Variants in ABTB1 observed in about 807,000 individuals in gnomAD.
The protein encoded by ABTB1 is ankyrin repeat and BTB domain containing 1.
A neutral mutation model predicts 57.1 loss-of-function variants in ABTB1; 45 were observed. The observed-to-expected ratio is 0.79, with a 90% confidence interval of 0.62 to 1.01. The LOEUF is 1.01. ABTB1 is among the 50% of genes least tolerant of loss of function. ABTB1 has a pLI of 0.00. For synonymous variants in ABTB1, 302 were observed against 275.4 expected, an observed-to-expected ratio of 1.10 and a Z score of -0.95; for missense variants, 630 against 666.3, an observed-to-expected ratio of 0.95 and a Z score of 0.60.
intron 10 of ABTB1, chr3:127,679,290 G>A (rs990474493): frequency 2.9e-6 from 1 of 340,264 alleles, no homozygotes; most frequent in African/African-American, 2.2e-5. Context: ...TTGTGCAGAT[G>A]CATGGGTTAC....
chr3:127,676,806 G>A lies in ABTB1; in HGVS notation c.527-161G>A, dbSNP rs1039001098. On this transcript the variant is annotated intron_variant, in intron 6 of 11. Coordinates refer to ENST00000232744, the MANE Select transcript of ABTB1 (RefSeq NM_172027.3). This position sits in a 1 kb window ranked among gnomAD's most constrained non-coding sequence, Gnocchi z 5.4. ...CTGAGGCCCTCCCATCTGTTCCCTGGGGCCTGTAGAACAGCTTTTGATGGG... is the reference window on the plus strand; with the variant it reads ...CTGAGGCCCTCCCATCTGTTCCCTGAGGCCTGTAGAACAGCTTTTGATGGG... 1.2e-6 allele frequency: 1 copy of A among 849,964 alleles called. No individual in the cohort carries two copies. Among genetic ancestry groups the A allele is most frequent in the African/African-American group, 1.7e-5 (1 of 58,828 alleles). 52.7% of individuals were successfully genotyped at this position (849,964 alleles called of 1,614,324 possible).
intron 1 of ABTB1, chr3:127,673,423 G>A: frequency 5.1e-6 from 1 of 196,412 alleles, no homozygotes; most frequent in East Asian, 1.2e-4. Context: ...GCAGGGCGCG[G>A]GTATAGGCCT....
At position 127,680,546 on chromosome 3, in the gene ABTB1, G is replaced by C; in HGVS notation, c.*71G>C. 1 of 1,557,270 alleles carries C rather than the reference G, an allele frequency of 6.4e-7. No homozygotes were observed. Among genetic ancestry groups the C allele is most frequent in the Non-Finnish European group, 8.7e-7 (1 of 1,143,532 alleles). On this transcript the variant is annotated 3_prime_UTR_variant, in exon 12 of 12. Coordinates refer to ENST00000232744, the MANE Select transcript of ABTB1 (RefSeq NM_172027.3). ...AAGCATGTGTATGCGTTTGTGTGCAGCTCTTCTTCCTGCTCCCTGCACATT... is the reference window on the plus strand; with the variant it reads ...AAGCATGTGTATGCGTTTGTGTGCACCTCTTCTTCCTGCTCCCTGCACATT...
chr3:127,672,973 G>A lies in ABTB1; in HGVS notation c.-53G>A. On this transcript the variant is annotated 5_prime_UTR_variant, in exon 1 of 12. The change creates a new upstream start codon in the 5' untranslated region. Coordinates refer to ENST00000232744, the MANE Select transcript of ABTB1 (RefSeq NM_172027.3). ...GGCTGAGCGTGTTTACATCCGCCGG[G>A]TGCGCGGCTTCGCCGCCCGAGGTCG... 6.6e-7 allele frequency: 1 copy of A among 1,515,318 alleles called. No individual in the cohort carries two copies. The allele number at this position is 1,515,318 out of a possible 1,614,324, so 93.9% of individuals were successfully genotyped here.
chr3:127,680,460 C>A lies in ABTB1; in HGVS notation c.1422C>A (p.Ile474=), dbSNP rs138384733. 1 of 1,601,584 alleles carries A rather than the reference C, an allele frequency of 6.2e-7. No homozygotes were observed. The highest frequency in any genetic ancestry group is 8.5e-7 in the Non-Finnish European group (1 of 1,176,934). ...CACTCGAGGACCTGCTCGTGTCCAT[C>A]GGTCTGGACTGTTGAGCCCCTGGCT... ...LRALEDLLVS[I]GLDC The change falls in exon 12 of 12, where the codon ATC becomes ATA. Residue 474 remains isoleucine (I), a synonymous_variant. Transcript: ENST00000232744.
At position 127,676,542 on chromosome 3, in the gene ABTB1, C is replaced by G. The variant is rs1437971651; in HGVS notation, c.487C>G (p.Pro163Ala). The G allele has an allele frequency of 6.2e-6, 10 of 1,613,976 alleles. No individual in the cohort carries two copies. The Admixed American group carries it at 1.5e-4, about 24-fold the overall frequency. Residue 163 changes from proline (P) to alanine (A), a missense_variant, in exon 6 of 12, where the codon CCC (proline) becomes GCC (alanine). Coordinates refer to ENST00000232744, the MANE Select transcript of ABTB1 (RefSeq NM_172027.3). This position sits in a 1 kb window ranked among gnomAD's most constrained non-coding sequence, Gnocchi z 5.4. ...TCTGGTTTTCTGCCCACAGATCAAC[C>G]CCGTGGCCTTTGGGGCCCTGCTGCA... is the stretch of plus-strand genomic sequence containing the variant. ...VVVLRHPLINPVAFGALLQYL... is the reference protein window; with the variant it reads ...VVVLRHPLINAVAFGALLQYL...
intron 8 of ABTB1, 22 bp from the exon 9 acceptor site, chr3:127,677,443 G>T: frequency 1.2e-6 from 2 of 1,613,166 alleles, no homozygotes; most frequent in Non-Finnish European, 1.7e-6. Flanking sequence ...GCTCTGATGG[G>T]GTCACCTCTT....
chr3:127,674,029 C>T, intron 1 of ABTB1: 1 of 295,142 alleles, frequency 3.4e-6, no homozygotes, highest in Non-Finnish European at 6.6e-6. Flanking sequence ...CTGCTTCTAA[C>T]AGGGCCAGCT....
chr3:127,674,485 G>A (rs1319723013), intron 2 of ABTB1, 32 bp downstream of exon 2: 2 of 1,499,212 alleles, frequency 1.3e-6, no homozygotes, highest in Non-Finnish European at 1.9e-6. Flanking sequence ...GGGGAGGGTG[G>A]GGGTTGGTGC....
At position 127,674,451 on chromosome 3, in the gene ABTB1, C is replaced by T; in HGVS notation, c.117C>T (p.Pro39=). The T allele has an allele frequency of 2.2e-6, 2 of 894,168 alleles. No homozygotes were observed. The highest frequency in any genetic ancestry group is 3.4e-6 in the Non-Finnish European group (2 of 596,594). The allele number at this position is 894,168 out of a possible 1,614,324, so 55.4% of individuals were successfully genotyped here. The change falls in exon 2 of 12, where the codon CCC becomes CCT. Residue 39 remains proline, a splice_region_variant and synonymous_variant. Coordinates refer to ENST00000232744, the MANE Select transcript of ABTB1 (RefSeq NM_172027.3). ...VNVRDKWDST[P]LYYACLCGHE... Reference sequence around the variant, plus strand: ...TGCGGGACAAGTGGGACAGCACCCCCTTGTGAGTGCTGGAGAGAGGGGTGG... The same window carrying T: ...TGCGGGACAAGTGGGACAGCACCCCTTTGTGAGTGCTGGAGAGAGGGGTGG...
rs374331896 is a variant in ABTB1 at position 127,680,279 on chromosome 3, G to A, written c.1241G>A (p.Arg414Gln). The change falls in exon 12 of 12, where the codon CGG becomes CAG. Residue 414 changes from arginine to glutamine, a missense_variant. By Grantham distance (43) the Arg-to-Gln change is conservative. Around this residue, in one of 3 missense-constraint regions of ABTB1, gnomAD observed 579 missense variants for 585.9 expected, o/e 0.99. Coordinates refer to ENST00000232744, the MANE Select transcript of ABTB1 (RefSeq NM_172027.3). ...CCTTCCCGCTCATAGCTGGTGGAGCGGGAGGACTTCGTGGAGGCGGTGAAG... is the reference window on the plus strand; with the variant it reads ...CCTTCCCGCTCATAGCTGGTGGAGCAGGAGGACTTCGTGGAGGCGGTGAAG... ...MAKVIEKLVEREDFVEAVKEE... is the reference protein window; with the variant it reads ...MAKVIEKLVEQEDFVEAVKEE... The A allele has an allele frequency of 5.5e-5, 88 of 1,613,472 alleles. No individual in the cohort carries two copies. Among genetic ancestry groups the A allele is most frequent in the African/African-American group, 2.8e-4 (21 of 75,058 alleles).
intron 1 of ABTB1, 27 bp downstream of exon 1, chr3:127,673,108 G>A (rs1180983494): frequency 6.6e-7 from 1 of 1,516,480 alleles, no homozygotes; most frequent in Non-Finnish European, 8.8e-7. Flanking sequence ...CCCGGGGAGG[G>A]TGCGGGAGGT....
chr3:127,680,559 C>T lies in ABTB1; in HGVS notation c.*84C>T, dbSNP rs1408536465. On this transcript the variant is annotated 3_prime_UTR_variant, in exon 12 of 12. Coordinates refer to ENST00000232744, the MANE Select transcript of ABTB1 (RefSeq NM_172027.3). The stretch of plus-strand genomic sequence containing the variant: ...CGTTTGTGTGCAGCTCTTCTTCCTG[C>T]TCCCTGCACATTGAGGGCTTCATGG... The T allele has an allele frequency of 1.3e-6, 2 of 1,515,566 alleles. No individual in the cohort carries two copies. The highest frequency in any genetic ancestry group is 1.8e-6 in the Non-Finnish European group (2 of 1,105,502). 93.9% of individuals were successfully genotyped at this position (1,515,566 alleles called of 1,614,324 possible).
In ABTB1 at chr3:127,673,324, T is replaced by C. The variant is rs566668117; in HGVS notation, c.56+243T>C. 5 of 331,790 alleles carry C rather than the reference T, an allele frequency of 1.5e-5. No homozygotes were observed. The South Asian group carries it at 5.2e-4, about 34-fold the overall frequency. 20.6% of individuals were successfully genotyped at this position (331,790 alleles called of 1,614,324 possible). ...AGGGCTTCCTGTAAGAAGGGACTGC[T>C]CAGCGGAGGCCCGAAGGCGCAGAAG... On this transcript the variant is annotated intron_variant, in intron 1 of 11. Coordinates refer to ENST00000232744, the MANE Select transcript of ABTB1 (RefSeq NM_172027.3).
chr3:127,674,216 T>TG, intron 1 of ABTB1, 175 bp from the exon 2 acceptor site: 2 of 724,894 alleles, frequency 2.8e-6, no homozygotes, highest in Non-Finnish European at 2.3e-6. Context: ...TCCACATCCT[T>TG]GCCTGCACTT....
chr3:127,675,674 G>A (rs747349779), intron 3 of ABTB1: 40 of 463,060 alleles, frequency 8.6e-5, no homozygotes, highest in African/African-American at 1.7e-4. Flanking sequence ...CCTGTGTCTC[G>A]TTCACTGCTG....
chr3:127,673,432 C>T (rs867035339), intron 1 of ABTB1: 26 of 187,390 alleles, frequency 1.4e-4, no homozygotes, highest in South Asian at 1.7e-4. Context: ...GGGTATAGGC[C>T]TGGGACTCCA....
chr3:127,679,985 C>G lies in ABTB1; in HGVS notation c.1030C>G (p.Leu344Val). Reference sequence around the variant, plus strand: ...ACCTTCATCCCTGTCTTCACTGCAGCTGTCCCCCGAGGCAGCCTATGATGT... The same window carrying G: ...ACCTTCATCCCTGTCTTCACTGCAGGTGTCCCCCGAGGCAGCCTATGATGT... ...LYYMYSDHTE[L>V]SPEAAYDVLS... Residue 344 changes from leucine to valine, a missense_variant and splice_region_variant, in exon 11 of 12, where the codon CTG becomes GTG. By Grantham distance (32) the Leu-to-Val change is conservative. Coordinates refer to ENST00000232744, the MANE Select transcript of ABTB1 (RefSeq NM_172027.3). 6.2e-7 allele frequency: 1 copy of G among 1,613,296 alleles called. No individual in the cohort carries two copies. Among genetic ancestry groups the G allele is most frequent in the South Asian group, 1.1e-5 (1 of 91,078 alleles).
In ABTB1 at chr3:127,677,237, G is replaced by A. The variant is rs376290885; in HGVS notation, c.713G>A (p.Arg238Gln). 43 of 1,601,872 alleles carry A rather than the reference G, an allele frequency of 2.7e-5. No homozygotes were observed. Among genetic ancestry groups the A allele is most frequent in the African/African-American group, 4.0e-5 (3 of 74,744 alleles). ...CCCCCACCTGCAGACCCCCGCCTCC[G>A]GGAGGACATGGCGCTGCTGGCCGAT... ...IEPPPADPRL[R>Q]EDMALLADCA... The change falls in exon 8 of 12, where the codon CGG becomes CAG. Residue 238 changes from arginine (R) to glutamine (Q), a missense_variant. By Grantham distance (43) the Arg-to-Gln change is conservative. This residue lies in a region of ABTB1 where 579 missense variants were observed against 585.9 expected (regional missense o/e 0.99). Coordinates refer to ENST00000232744, the MANE Select transcript of ABTB1 (RefSeq NM_172027.3).
Sources: gnomAD v4.1 joint callset for allele counts on GRCh38, gnomAD v4.1.1 for gene constraint, gnomAD v4.1.1 regional missense constraint, Gnocchi (gnomAD v3.1) non-coding constraint, MANE v1.5 for transcripts, NCBI Gene and HGNC (gene_info 2026-07-23, HGNC 2026-07-21) for gene names.